EPB41L3: variants seen among roughly 807,000 people sequenced by gnomAD.
EPB41L3 encodes erythrocyte membrane protein band 4.1 like 3.
In EPB41L3, 57 loss-of-function variants were observed where a neutral mutation model predicts 127.1. The ratio of observed to expected loss-of-function variants is 0.45; its 90% CI spans 0.36 to 0.56. EPB41L3 has a LOEUF of 0.56. EPB41L3 is among the 20% of genes least tolerant of loss of function. The pLI, the probability that EPB41L3 is intolerant of heterozygous loss-of-function variation, is 0.00. For missense variants in EPB41L3, 1,273 were observed against 1,372.2 expected, an observed-to-expected ratio of 0.93 and a Z score of 1.14; for synonymous variants, 572 against 549.5, an observed-to-expected ratio of 1.04 and a Z score of -0.57.
intron 6 of EPB41L3, 105 bp downstream of exon 6, chr18:5,437,930 G>A (rs1013953628): frequency 1.8e-5 from 17 of 961,214 alleles, no homozygotes; most frequent in Non-Finnish European, 2.3e-5. Context: ...TTTGAGCGTG[G>A]ATGATTGTAA....
At chr18:5,394,459 T>C (rs779624374) in intron 22 of EPB41L3, 14 of 496,720 alleles carry the variant, frequency 2.8e-5, no homozygotes, top group Non-Finnish European at 4.4e-5. Flanking sequence ...TGCTCTTCCT[T>C]TATCCTCTAA....
At chr18:5,604,627 T>C (rs2094628703) in intron 3 of EPB41L3, among the ~76,000 whole-genome samples, 1 of 152,112 alleles carries the variant, frequency 6.6e-6, no homozygotes, top group South Asian at 2.1e-4. Flanking sequence ...ATAATTTTTG[T>C]ATTTTTAGTA....
intron 1 of EPB41L3, chr18:5,539,790 GTC>G (rs2093671855): frequency 6.6e-6 from 1 of 152,176 alleles, no homozygotes; most frequent in Admixed American, 6.5e-5. Flanking sequence ...GGTGAAATAT[GTC>G]TCTGATCATC....
chr18:5,447,447 AC>A (rs2146426834), intron 3 of EPB41L3, among the ~76,000 whole-genome samples: 1 of 106,768 alleles, frequency 9.4e-6, no homozygotes, highest in African/African-American at 3.4e-5. Flanking sequence ...TAGCTAGACT[AC>A]TTTTTTTTTT....
At chr18:5,493,813 A>G (rs2090871383) in intron 1 of EPB41L3, among the ~76,000 whole-genome samples, 1 of 152,088 alleles carries the variant, frequency 6.6e-6, no homozygotes, top group South Asian at 2.1e-4. Flanking sequence ...TAAGGTGACC[A>G]TGACCTCCCC....
chr18:5,545,667 C>A (rs1175883437), upstream of EPB41L3, among the ~76,000 whole-genome samples: 4 of 152,090 alleles, frequency 2.6e-5, no homozygotes, highest in African/African-American at 9.7e-5. Flanking sequence ...AACAGATGGG[C>A]AAATACCAGG....
chr18:5,559,919 T>A (rs1332115073), intron 3 of EPB41L3, among the ~76,000 whole-genome samples: 1 of 152,224 alleles, frequency 6.6e-6, no homozygotes, highest in African/African-American at 2.4e-5. Flanking sequence ...TTACTACATT[T>A]AAAATTTTTG....
rs1033745080 is a variant in EPB41L3, at chr18:5,434,054, G to A, written c.673C>T (p.Leu225=). The change falls in exon 7 of 23, where the codon CTG becomes TTG. Residue 225 remains leucine (L), a synonymous_variant. Coordinates refer to ENST00000341928, the MANE Select transcript of EPB41L3 (RefSeq NM_012307.5). ...SGRLPCSFVT[L]ALLGSYTVQS... is the part of the protein sequence containing the mutation. ...ACAGTGTAGGAGCCCAGCAAGGCCA[G>A]GGTAACAAAGGAGCAGGGCAGCCTT... is the stretch of plus-strand genomic sequence containing the variant. The A allele has an allele frequency of 1.2e-6, 2 of 1,614,014 alleles. No homozygotes were observed. The highest frequency in any genetic ancestry group is 1.3e-5 in the African/African-American group (1 of 74,910).
At chr18:5,448,521 G>C (rs138440209) in intron 3 of EPB41L3, among the ~76,000 whole-genome samples, 13 of 152,126 alleles carry the variant, frequency 8.5e-5, no homozygotes, top group African/African-American at 3.1e-4. Context: ...GTTTATTATG[G>C]TTCCAAAAGA....
intron 6 of EPB41L3, among the ~76,000 whole-genome samples, chr18:5,437,180 T>C (rs1416986056): frequency 1.3e-5 from 2 of 152,156 alleles, no homozygotes; most frequent in African/African-American, 4.8e-5. Context: ...CTCAAGGTGA[T>C]GGGATCACAA....
chr18:5,602,286 C>T (rs1255649048), intron 3 of EPB41L3, among the ~76,000 whole-genome samples: 2 of 152,148 alleles, frequency 1.3e-5, no homozygotes, highest in African/African-American at 4.8e-5. Context: ...ATCCCTCCTG[C>T]CAGTATTAAT....
rs150308979 is a variant in EPB41L3, at chr18:5,542,594, C to A, written c.-12+1319G>T. Reference sequence around the variant, plus strand: ...GAAGCACTGCATTAGCAGGACTGCCCGGCCCTCTCAGGACCTCCCAGCCCA... The same window carrying A: ...GAAGCACTGCATTAGCAGGACTGCCAGGCCCTCTCAGGACCTCCCAGCCCA... On this transcript the variant is annotated intron_variant, in intron 1 of 22. Coordinates refer to ENST00000341928, the MANE Select transcript of EPB41L3 (RefSeq NM_012307.5). Among the ~76,000 whole-genome samples, 886 of 152,236 alleles carry A rather than the reference C, an allele frequency of 5.8e-3. 2 individuals are homozygous for A. Among genetic ancestry groups the A allele is most frequent in the South Asian group, 0.024 (118 of 4,826 alleles).
At chr18:5,547,121 C>T (rs1259375318), upstream of EPB41L3, among the ~76,000 whole-genome samples, 1 of 152,092 alleles carries the variant, frequency 6.6e-6, no homozygotes, top group East Asian at 1.9e-4. Flanking sequence ...TGAGCTCTTC[C>T]ACACAGAAAG....
chr18:5,623,655 C>CA (rs2094890321), intron 1 of EPB41L3, among the ~76,000 whole-genome samples: 1 of 147,462 alleles, frequency 6.8e-6, no homozygotes, highest in African/African-American at 2.5e-5. Flanking sequence ...TCTTTTCATT[C>CA]TTTTTTTTTT....
chr18:5,550,211 C>A (rs1485580530), intron 3 of EPB41L3, among the ~76,000 whole-genome samples: 2 of 152,106 alleles, frequency 1.3e-5, no homozygotes, highest in East Asian at 3.9e-4. Context: ...TTAAACCCTG[C>A]AAATAGAGAA....
chr18:5,505,049 T>C (rs1468559379), intron 1 of EPB41L3, among the ~76,000 whole-genome samples: 1 of 152,134 alleles, frequency 6.6e-6, no homozygotes, highest in Non-Finnish European at 1.5e-5. Context: ...CTCTGCCCCA[T>C]GAAACGGTCT....
rs780498839 is a variant in EPB41L3, at chr18:5,489,009, G to A, written c.175C>T (p.Arg59Trp). The stretch of plus-strand genomic sequence containing the variant: ...TTCTGGCCTGGGCTCACCTCCCTCC[G>A]CACCGGGGTGCTGTGCGCTGCAGCG... ...AAAAAHSTPV[R>W]REVTDKEQEF... The change falls in exon 2 of 23, where the codon CGG becomes TGG. Residue 59 changes from arginine (R) to tryptophan (W), a missense_variant. Arg to Trp is a moderately radical substitution (Grantham distance 101). This residue lies in a region of EPB41L3 where 182 missense variants were observed against 149.2 expected (regional missense o/e 1.22). Coordinates refer to ENST00000341928, the MANE Select transcript of EPB41L3 (RefSeq NM_012307.5). 7.0e-6 allele frequency: 11 copies of A among 1,581,540 alleles called. No individual in the cohort carries two copies. The African/African-American group carries it at 1.3e-4, about 18-fold the overall frequency.
chr18:5,627,070 T>G (rs1317897985), intron 1 of EPB41L3, among the ~76,000 whole-genome samples: 1 of 152,136 alleles, frequency 6.6e-6, no homozygotes, highest in Non-Finnish European at 1.5e-5. Flanking sequence ...TCCGCGGACT[T>G]CTCATTAGTC....
chr18:5,477,272 T>G (rs1400652990), intron 3 of EPB41L3, among the ~76,000 whole-genome samples: 2 of 151,942 alleles, frequency 1.3e-5, no homozygotes, highest in Non-Finnish European at 2.9e-5. Context: ...GGAAGAGAAA[T>G]ATGTGAGGAC....
Sources: gnomAD v4.1 joint callset for allele counts (sites outside exome capture counted in the v4.1 genomes callset) on GRCh38, gnomAD v4.1.1 for gene constraint, gnomAD v4.1.1 regional missense constraint, MANE v1.5 for transcripts, NCBI Gene and HGNC (gene_info 2026-07-23, HGNC 2026-07-21) for gene names.